The following COL3A1 variants were observed in gnomAD, a reference collection of about 807,000 sequenced individuals.
The protein encoded by COL3A1 is collagen type III alpha 1 chain.
Under a neutral mutation model 200.9 loss-of-function variants are expected in COL3A1, and 46 were observed. That is an observed-to-expected ratio of 0.23 (90% CI 0.18 to 0.29). The LOEUF (loss-of-function observed/expected upper bound fraction) is 0.29. COL3A1 is among the 10% of genes least tolerant of loss of function. The probability of loss-of-function intolerance (pLI) is 1.00; values close to 1 mark genes in which losing one functional copy is unlikely to be tolerated. For synonymous variants in COL3A1, 650 were observed against 628.0 expected (o/e 1.03, Z -0.52); for missense variants, 1,367 against 1,917.6 (o/e 0.71, Z 5.36).
chr2:189,002,284 A>G lies in COL3A1; in HGVS notation c.2392-14A>G. On this transcript the variant is annotated splice_polypyrimidine_tract_variant and intron_variant, in intron 34 of 50. Coordinates refer to ENST00000304636, the MANE Select transcript of COL3A1 (RefSeq NM_000090.4). ...ACACTTCACTGTGACTAAGGAGGATATTTTTCTCTTCAGGGTGAGAGAGGT... is the reference window on the plus strand; with the variant it reads ...ACACTTCACTGTGACTAAGGAGGATGTTTTTCTCTTCAGGGTGAGAGAGGT... The G allele has an allele frequency of 6.2e-7, 1 of 1,611,890 alleles. No individual in the cohort carries two copies. Among genetic ancestry groups the G allele is most frequent in the Non-Finnish European group, 8.5e-7 (1 of 1,178,068 alleles).
intron 34 of COL3A1, 87 bp from the exon 35 acceptor site, chr2:189,002,210 GA>G: frequency 8.9e-7 from 1 of 1,119,390 alleles, no homozygotes. Context: ...TTAAAGGAAA[GA>G]AAAGATAAGA....
chr2:189,010,916 G>C (rs759968880), intron 50 of COL3A1, 26 bp downstream of exon 50: 1 of 1,613,714 alleles, frequency 6.2e-7, no homozygotes, highest in Non-Finnish European at 8.5e-7. Flanking sequence ...CTCAATATAG[G>C]TCATAAAGCA....
intron 32 of COL3A1, among the ~76,000 whole-genome samples, chr2:189,000,706 T>C (rs1688437605): frequency 1.3e-5 from 2 of 152,290 alleles, no homozygotes; most frequent in Middle Eastern, 3.4e-3. Context: ...ATTATAGTTG[T>C]GTAAGATGTT....
intron 34 of COL3A1, among the ~76,000 whole-genome samples, chr2:189,001,939 C>T (rs1688475250): frequency 6.6e-6 from 1 of 152,116 alleles, no homozygotes; most frequent in African/African-American, 2.4e-5. Context: ...GGATTTAAGA[C>T]TCTGGAAAGA....
At position 188,990,992 on chromosome 2, in the gene COL3A1, T is replaced by C. The variant is rs1289078415; in HGVS notation, c.799-12T>C. 5.6e-6 allele frequency: 9 copies of C among 1,612,542 alleles called. No homozygotes were observed. Among genetic ancestry groups the C allele is most frequent in the Non-Finnish European group, 1.7e-6 (2 of 1,178,910 alleles). On this transcript the variant is annotated splice_polypyrimidine_tract_variant and intron_variant, in intron 10 of 50. Coordinates refer to ENST00000304636, the MANE Select transcript of COL3A1 (RefSeq NM_000090.4). Reference sequence around the variant, plus strand: ...GATTTTAATAATTTTGCTGGTTTTATACATTTCCTAGGGCTTCGATGGACG... The same window carrying C: ...GATTTTAATAATTTTGCTGGTTTTACACATTTCCTAGGGCTTCGATGGACG...
intron 41 of COL3A1, among the ~76,000 whole-genome samples, chr2:189,005,820 T>C (rs948177787): frequency 1.4e-4 from 21 of 152,102 alleles, no homozygotes; most frequent in African/African-American, 5.1e-4. Context: ...AATTAACAAA[T>C]CATAATTGTA....
At chr2:188,986,272 G>C (rs997500573) in intron 4 of COL3A1, among the ~76,000 whole-genome samples, 5 of 151,976 alleles carry the variant, frequency 3.3e-5, no homozygotes, top group African/African-American at 1.2e-4. Flanking sequence ...TTCTCCTGAA[G>C]CATGGCAGCC....
chr2:188,983,413 C>T (rs1482595239), intron 1 of COL3A1, among the ~76,000 whole-genome samples: 1 of 151,888 alleles, frequency 6.6e-6, no homozygotes, highest in Non-Finnish European at 1.5e-5. Context: ...GCAGTACTTT[C>T]TAGAGTCTAG....
At chr2:189,007,094 T>C (rs1688602917) in intron 44 of COL3A1, 104 bp downstream of exon 44, 9 of 330,972 alleles carry the variant, frequency 2.7e-5, no homozygotes, top group South Asian at 2.0e-4. Flanking sequence ...GAAAAAAGAA[T>C]GAATATATAT....
At chr2:188,987,936 T>A (rs376948987) in intron 5 of COL3A1, 145 bp from the exon 6 acceptor site, 1 of 678,886 alleles carries the variant, frequency 1.5e-6, no homozygotes, top group East Asian at 2.7e-5. Context: ...TCATTATAGA[T>A]CTCATGAATA....
intron 26 of COL3A1, 37 bp downstream of exon 26, chr2:188,997,426 G>A: frequency 5.1e-6 from 8 of 1,580,344 alleles, no homozygotes; most frequent in Non-Finnish European, 7.0e-6. Context: ...ATGAAAATAG[G>A]GTGGAGGTGG....
Position 188,974,458 on chromosome 2 carries a change from T to G in COL3A1, c.-32T>G, listed in dbSNP as rs1320731859. Reference sequence around the variant, plus strand: ...TGAACTGCTTTTCTTTTCTCCTTTTTGCACAAAGAGTCTCATGTCTGATAT... The same window carrying G: ...TGAACTGCTTTTCTTTTCTCCTTTTGGCACAAAGAGTCTCATGTCTGATAT... On this transcript the variant is annotated 5_prime_UTR_variant, in exon 1 of 51. Transcript: ENST00000304636. 6.4e-7 allele frequency: 1 copy of G among 1,573,486 alleles called. No individual in the cohort carries two copies.
At chr2:188,992,140 C>T (rs761553917) in intron 13 of COL3A1, 44 bp from the exon 14 acceptor site, 1 of 1,599,092 alleles carries the variant, frequency 6.3e-7, no homozygotes, top group Non-Finnish European at 8.6e-7. Context: ...CATGACCAGC[C>T]ATTCAGAATT....
Position 188,996,184 on chromosome 2 carries a change from TACATTTTTAA to T in COL3A1, c.1662+8_1662+17del. 6.2e-7 allele frequency: 1 copy of T among 1,613,096 alleles called. No individual in the cohort carries two copies. Among genetic ancestry groups the T allele is most frequent in the Non-Finnish European group, 8.5e-7 (1 of 1,179,406 alleles). On this transcript the variant is annotated splice_region_variant and intron_variant, in intron 23 of 50. Coordinates refer to ENST00000304636, the MANE Select transcript of COL3A1 (RefSeq NM_000090.4). Reference sequence around the variant, plus strand: ...ATGGGAAACCAGGGCCTCCCGTATGTACATTTTTAAAATCTCATTTTAAAAGGCCAGTTAA... The same window carrying T: ...ATGGGAAACCAGGGCCTCCCGTATGTAATCTCATTTTAAAAGGCCAGTTAA...
At chr2:189,008,364 C>T (rs747122460) in intron 47 of COL3A1, 3 of 563,892 alleles carry the variant, frequency 5.3e-6, no homozygotes, top group Middle Eastern at 4.8e-4. Context: ...AGGTATCCAT[C>T]GTATCAGAAT....
chr2:188,999,637 G>C, intron 31 of COL3A1, 60 bp downstream of exon 31: 6 of 1,537,136 alleles, frequency 3.9e-6, no homozygotes, highest in Non-Finnish European at 4.5e-6. Flanking sequence ...TTTAAAAAAA[G>C]CAACACTCCT....
Position 188,974,440 on chromosome 2 carries a change from CT to C in COL3A1, c.-46del, listed in dbSNP as rs1365286793. ...AACTTGATGGTGCTACTTTGAACTG[CT>C]TTTCTTTTCTCCTTTTTGCACAAAG... On this transcript the variant is annotated 5_prime_UTR_variant, in exon 1 of 51. An upstream open reading frame in the 5' UTR gains an earlier in-frame stop. Coordinates refer to ENST00000304636, the MANE Select transcript of COL3A1 (RefSeq NM_000090.4). The C allele has an allele frequency of 1.4e-6, 2 of 1,471,830 alleles. No individual in the cohort carries two copies. Among genetic ancestry groups the C allele is most frequent in the Non-Finnish European group, 1.9e-6 (2 of 1,052,998 alleles). 91.2% of individuals were successfully genotyped at this position (1,471,830 alleles called of 1,614,324 possible). A position where few individuals can be genotyped will look rare whatever the true frequency, so the allele number is the denominator to read the frequency against.
At chr2:189,007,197 A>G (rs1688613425) in intron 44 of COL3A1, among the ~76,000 whole-genome samples, 1 of 142,106 alleles carries the variant, frequency 7.0e-6, no homozygotes, top group Non-Finnish European at 1.5e-5. Flanking sequence ...ATAGATAGAT[A>G]GATAGATAGA....
chr2:188,993,611 C>T (rs1196891706), intron 16 of COL3A1, 152 bp downstream of exon 16: 1 of 697,942 alleles, frequency 1.4e-6, no homozygotes, highest in Non-Finnish European at 2.6e-6. Flanking sequence ...CTAAAATGAT[C>T]CTCCTGTGAC....
Sources: gnomAD v4.1 joint callset for allele counts (sites outside exome capture counted in the v4.1 genomes callset) on GRCh38, gnomAD v4.1.1 for gene constraint, MANE v1.5 for transcripts, NCBI Gene and HGNC (gene_info 2026-07-23, HGNC 2026-07-21) for gene names.